NAPB: variants seen among roughly 807,000 people sequenced by gnomAD.
NAPB encodes the protein NSF attachment protein beta.
A neutral mutation model predicts 44.7 loss-of-function variants in NAPB; 26 were observed. The observed-to-expected ratio is 0.58, with a 90% confidence interval of 0.43 to 0.81. NAPB has a LOEUF of 0.81. Among genes scored for constraint, NAPB ranks in the 30% least tolerant of loss-of-function variants. The pLI is 0.00. For synonymous variants in NAPB, 120 were observed against 116.8 expected (o/e 1.03, Z -0.18); for missense variants, 315 against 356.4 (o/e 0.88, Z 0.94).
intron 3 of NAPB, 140 bp from the exon 4 acceptor site, chr20:23,395,325 C>A: frequency 1.3e-6 from 1 of 768,082 alleles, no homozygotes; most frequent in African/African-American, 1.7e-5. Context: ...TAATGAGAAG[C>A]AAACAAAAAT....
intron 1 of NAPB, among the ~76,000 whole-genome samples, chr20:23,416,012 T>A (rs1033373110): frequency 1.3e-5 from 2 of 152,124 alleles, no homozygotes; most frequent in African/African-American, 2.4e-5. Flanking sequence ...ACTTAAACTC[T>A]CCTTTACTTG....
At chr20:23,416,800 G>A (rs1030574655) in intron 1 of NAPB, among the ~76,000 whole-genome samples, 2 of 151,998 alleles carry the variant, frequency 1.3e-5, no homozygotes, top group African/African-American at 2.4e-5. Context: ...TTATCACATG[G>A]CCCCACCATA....
intron 1 of NAPB, among the ~76,000 whole-genome samples, chr20:23,415,793 C>G (rs1017378006): frequency 1.3e-5 from 2 of 151,992 alleles, no homozygotes; most frequent in Non-Finnish European, 2.9e-5. Context: ...ATAGCAAGAC[C>G]CTGTCTCTAC....
intron 2 of NAPB, among the ~76,000 whole-genome samples, 188 bp from the exon 3 acceptor site, chr20:23,397,376 C>T (rs1348182396): frequency 3.3e-5 from 5 of 152,236 alleles, no homozygotes; most frequent in South Asian, 2.1e-4. Context: ...AGTCAAACAG[C>T]GATGAAAGCT....
At chr20:23,383,395 T>C (rs1002840356) in intron 7 of NAPB, among the ~76,000 whole-genome samples, 5 of 152,128 alleles carry the variant, frequency 3.3e-5, no homozygotes, top group South Asian at 4.2e-4. Context: ...GGAAAACAAG[T>C]TGAATGACAG....
At chr20:23,397,042 G>A (rs374651241) in intron 3 of NAPB, 30 bp downstream of exon 3, 3 of 1,603,842 alleles carry the variant, frequency 1.9e-6, no homozygotes, top group Non-Finnish European at 2.6e-6. Context: ...TACACACAGA[G>A]ATAGCATGCT....
chr20:23,388,028 C>G (rs1983657145), intron 7 of NAPB, among the ~76,000 whole-genome samples: 2 of 152,172 alleles, frequency 1.3e-5, no homozygotes, highest in South Asian at 4.1e-4. Context: ...AATTCATTCT[C>G]AATGCCTGTC....
intron 3 of NAPB, 85 bp downstream of exon 3, chr20:23,396,987 C>T (rs988194022): frequency 1.8e-5 from 25 of 1,397,322 alleles, no homozygotes; most frequent in Non-Finnish European, 2.3e-5. Flanking sequence ...CTTGAAAGCA[C>T]ACCAACACTG....
chr20:23,391,736 A>G (rs922450802), intron 5 of NAPB, among the ~76,000 whole-genome samples: 1 of 152,240 alleles, frequency 6.6e-6, no homozygotes, highest in Non-Finnish European at 1.5e-5. Context: ...TGAAATTTCT[A>G]ATTTCATATA....
At chr20:23,390,166 A>G (rs768626020) in intron 6 of NAPB, 43 bp downstream of exon 6, 1 of 1,543,410 alleles carries the variant, frequency 6.5e-7, no homozygotes, top group Admixed American at 1.7e-5. Context: ...TTTATCACAC[A>G]TAATAAAACC....
intron 2 of NAPB, among the ~76,000 whole-genome samples, chr20:23,399,095 G>A (rs998366120): frequency 4.6e-5 from 7 of 151,906 alleles, no homozygotes; most frequent in Non-Finnish European, 1.0e-4. Flanking sequence ...GAGGGCAAAG[G>A]GACAGTACAA....
chr20:23,414,788 G>A (rs1252923182), intron 1 of NAPB, among the ~76,000 whole-genome samples: 2 of 152,134 alleles, frequency 1.3e-5, no homozygotes, highest in Admixed American at 6.5e-5. Flanking sequence ...AATCTAAGAA[G>A]AGTATATGAA....
chr20:23,417,945 A>G (rs1450250164), intron 1 of NAPB, among the ~76,000 whole-genome samples: 1 of 152,220 alleles, frequency 6.6e-6, no homozygotes, highest in African/African-American at 2.4e-5. Context: ...ATTTTACTGA[A>G]AGCAAGAAAC....
intron 2 of NAPB, among the ~76,000 whole-genome samples, chr20:23,401,563 C>G (rs1256791806): frequency 6.6e-6 from 1 of 152,116 alleles, no homozygotes; most frequent in African/African-American, 2.4e-5. Context: ...GGTTAGAATA[C>G]CTCATCACCA....
intron 1 of NAPB, among the ~76,000 whole-genome samples, chr20:23,420,834 G>T (rs1255015294): frequency 6.6e-6 from 1 of 150,936 alleles, no homozygotes; most frequent in Non-Finnish European, 1.5e-5. Context: ...TGTTCTAGGG[G>T]CTTCGTGGGG....
intron 5 of NAPB, among the ~76,000 whole-genome samples, chr20:23,390,717 T>TA (rs1414797306): frequency 6.6e-6 from 1 of 152,190 alleles, no homozygotes; most frequent in Non-Finnish European, 1.5e-5. Context: ...GGCAGGTTCC[T>TA]AAGTAATTAC....
intron 2 of NAPB, among the ~76,000 whole-genome samples, chr20:23,401,647 G>A (rs1335828957): frequency 2.0e-5 from 3 of 152,312 alleles, no homozygotes; most frequent in South Asian, 2.1e-4. Flanking sequence ...TTGGGAGGCC[G>A]AGGTGGGTGG....
At chr20:23,394,509 G>A (rs1465526187) in intron 5 of NAPB, among the ~76,000 whole-genome samples, 1 of 152,186 alleles carries the variant, frequency 6.6e-6, no homozygotes, top group Non-Finnish European at 1.5e-5. Flanking sequence ...AGCATTTGGA[G>A]AGAGGTCTAG....
chr20:23,405,309 GAGAA>G (rs1234031570), intron 1 of NAPB, among the ~76,000 whole-genome samples: 1 of 140,784 alleles, frequency 7.1e-6, no homozygotes, highest in Admixed American at 7.4e-5. Context: ...GAGAGAGACA[GAGAA>G]AGAGAGAGAG....
Sources: allele counts gnomAD v4.1 joint callset (sites outside exome capture counted in the v4.1 genomes callset), GRCh38; gene constraint gnomAD v4.1.1; transcripts MANE v1.5; gene names NCBI Gene and HGNC (gene_info 2026-07-23, HGNC 2026-07-21).